QTMAN: variants seen among roughly 807,000 people sequenced by gnomAD.
QTMAN encodes the protein tRNA-queuosine alpha-mannosyltransferase.
chr2:144,007,636 A>C, the QTMAN span: 1 of 689,644 alleles, frequency 1.5e-6, no homozygotes, highest in East Asian at 3.0e-5. Context: ...TATAAAACTG[A>C]GAAAAAATAA....
the QTMAN span, among the ~76,000 whole-genome samples, chr2:143,992,912 T>C: frequency 6.6e-6 from 1 of 152,164 alleles, no homozygotes; most frequent in Non-Finnish European, 1.5e-5. Context: ...AGAATAGTAA[T>C]GATTTCCACC....
the QTMAN span, among the ~76,000 whole-genome samples, chr2:144,330,611 TATGTACAATTC>T: frequency 6.6e-6 from 1 of 152,258 alleles, no homozygotes; most frequent in Admixed American, 6.5e-5. Context: ...ACTTCCTAAC[TATGTACAATTC>T]ATGGCATTTT....
the QTMAN span, among the ~76,000 whole-genome samples, chr2:144,309,209 T>C: frequency 1.3e-5 from 2 of 152,190 alleles, no homozygotes; most frequent in African/African-American, 4.8e-5. Context: ...TTCAAAGCAA[T>C]TTCTTACAAA....
At chr2:144,329,271 T>C in the QTMAN span, among the ~76,000 whole-genome samples, 74 of 151,696 alleles carry the variant, frequency 4.9e-4, no homozygotes, top group East Asian at 0.013. Flanking sequence ...AAACATGCTA[T>C]TATTCTGATA....
the QTMAN span, among the ~76,000 whole-genome samples, chr2:144,221,194 T>C: frequency 6.6e-6 from 1 of 152,222 alleles, no homozygotes; most frequent in Non-Finnish European, 1.5e-5. Context: ...TTTAAAGTAT[T>C]AGAATATTCT....
At chr2:144,331,133 C>A in the QTMAN span, among the ~76,000 whole-genome samples, 2 of 152,128 alleles carry the variant, frequency 1.3e-5, no homozygotes, top group African/African-American at 4.8e-5. Context: ...AAAACTGTTT[C>A]ATTAAATACA....
chr2:143,991,385 G>A, the QTMAN span, among the ~76,000 whole-genome samples: 1 of 151,398 alleles, frequency 6.6e-6, no homozygotes, highest in South Asian at 2.1e-4. Context: ...ACTTCTCGGT[G>A]GGGGGTCAGC....
At chr2:144,291,382 G>A in the QTMAN span, among the ~76,000 whole-genome samples, 2 of 152,174 alleles carry the variant, frequency 1.3e-5, no homozygotes, top group Non-Finnish European at 2.9e-5. Flanking sequence ...ATGGACAACA[G>A]TCAGCACAGT....
chr2:144,139,938 G>T, the QTMAN span, among the ~76,000 whole-genome samples: 1 of 152,038 alleles, frequency 6.6e-6, no homozygotes, highest in African/African-American at 2.4e-5. Flanking sequence ...TGGATTGGGA[G>T]AAAGATACAA....
the QTMAN span, among the ~76,000 whole-genome samples, chr2:144,273,842 TAAGA>T: frequency 4.0e-3 from 602 of 152,214 alleles, 1 homozygote; most frequent in East Asian, 0.023. Flanking sequence ...GACATTGTGA[TAAGA>T]AATATATGGC....
the QTMAN span, among the ~76,000 whole-genome samples, chr2:144,279,658 C>T: frequency 2.0e-5 from 3 of 152,184 alleles, no homozygotes; most frequent in Non-Finnish European, 4.4e-5. Flanking sequence ...ACACTAGTTT[C>T]AATTATCATC....
the QTMAN span, among the ~76,000 whole-genome samples, chr2:144,295,035 C>T: frequency 1.3e-5 from 2 of 152,138 alleles, no homozygotes; most frequent in Non-Finnish European, 2.9e-5. Context: ...CAATATGACA[C>T]ACAGAAGTCA....
At chr2:144,303,982 C>T in the QTMAN span, among the ~76,000 whole-genome samples, 72 of 152,206 alleles carry the variant, frequency 4.7e-4, no homozygotes, top group African/African-American at 9.9e-4. Context: ...ACAGTACATA[C>T]GTAAAAGGAG....
At chr2:144,156,888 A>G in the QTMAN span, among the ~76,000 whole-genome samples, 2 of 152,166 alleles carry the variant, frequency 1.3e-5, no homozygotes, top group Non-Finnish European at 2.9e-5. Context: ...AGAAAGAAGG[A>G]CCTTAAAATT....
At chr2:144,147,248 T>C in the QTMAN span, among the ~76,000 whole-genome samples, 1 of 150,824 alleles carries the variant, frequency 6.6e-6, no homozygotes, top group Non-Finnish European at 1.5e-5. Context: ...ATGTTATAAT[T>C]TATCTCTTTA....
chr2:144,325,834 A>G, the QTMAN span, among the ~76,000 whole-genome samples: 1 of 152,240 alleles, frequency 6.6e-6, no homozygotes, highest in Non-Finnish European at 1.5e-5. Context: ...AATTTTACAA[A>G]AACAGTTGCA....
the QTMAN span, among the ~76,000 whole-genome samples, chr2:143,985,495 A>G: frequency 2.6e-5 from 4 of 152,232 alleles, no homozygotes; most frequent in African/African-American, 4.8e-5. Context: ...CAGTTCATTC[A>G]TGTTCATGGA....
the QTMAN span, chr2:144,237,310 G>C: frequency 6.6e-6 from 1 of 152,148 alleles, no homozygotes; most frequent in Admixed American, 6.5e-5. Context: ...GTTGAGACCA[G>C]GAAATGACGT....
At chr2:144,244,838 A>G in the QTMAN span, among the ~76,000 whole-genome samples, 12 of 152,146 alleles carry the variant, frequency 7.9e-5, no homozygotes, top group Non-Finnish European at 1.3e-4. Flanking sequence ...GGTGAGAAAT[A>G]CCGTTCATAT....
Sources: gnomAD v4.1 joint callset for allele counts (sites outside exome capture counted in the v4.1 genomes callset) on GRCh38, gnomAD v4.1.1 for gene constraint, MANE v1.5 for transcripts, NCBI Gene and HGNC (gene_info 2026-07-23, HGNC 2026-07-21) for gene names.